The following ARHGEF1 variants were observed in gnomAD, a reference collection of about 807,000 sequenced individuals.
The protein encoded by ARHGEF1 is 115 kDa guanine nucleotide exchange factor.
A neutral mutation model predicts 119.7 loss-of-function variants in ARHGEF1; 40 were observed. The observed-to-expected ratio is 0.33, with a 90% CI of 0.26 to 0.44. ARHGEF1 has a LOEUF of 0.44. Ranked by LOEUF, ARHGEF1 falls within the 20% of genes least tolerant of loss-of-function variation. The pLI is 1.00. For missense variants in ARHGEF1, 976 were observed against 1,268.3 expected (o/e 0.77, Z 3.50); for synonymous variants, 494 against 521.0 (o/e 0.95, Z 0.71).
In ARHGEF1 at chr19:41,884,511, C is replaced by T; in HGVS notation, c.-20+1222C>T. 1.9e-6 allele frequency: 3 copies of T among 1,605,908 alleles called. No individual in the cohort carries two copies. In the South Asian group the frequency reaches 3.3e-5, roughly 18 times the overall value. On this transcript the variant is annotated intron_variant, in intron 1 of 28. Transcript: ENST00000354532. ...TGGAGCAGGTGAGGGACGCGGTCCCCAGCGGGTGTCAGACCCTGACTCTGC... is the reference window on the plus strand; with the variant it reads ...TGGAGCAGGTGAGGGACGCGGTCCCTAGCGGGTGTCAGACCCTGACTCTGC...
chr19:41,908,621 G>A, downstream of ARHGEF1: 1 of 1,231,742 alleles, frequency 8.1e-7, no homozygotes, highest in Non-Finnish European at 1.0e-6. This position sits in a 1 kb window ranked among gnomAD's most constrained non-coding sequence, Gnocchi z 6.7. Flanking sequence ...GGTACTCAGG[G>A]AAGGCGCGGC....
In ARHGEF1 at chr19:41,894,523, C is replaced by G. The variant is rs782137914; in HGVS notation, c.817C>G (p.Arg273Gly). The G allele has an allele frequency of 2.5e-6, 4 of 1,610,336 alleles. No individual in the cohort carries two copies. The African/African-American group carries it at 4.0e-5, about 16-fold the overall frequency. ...KGLSSILDAARWNRGEPQVPD... is the reference protein window; with the variant it reads ...KGLSSILDAAGWNRGEPQVPD... ...GCTGAGCAGCATCCTGGATGCCGCC[C>G]GCTGGAACCGGGGAGAGCCCCAGGG... Residue 273 changes from arginine (R) to glycine (G), a missense_variant, in exon 10 of 29, where the codon CGC (arginine) becomes GGC (glycine). Around this residue, in one of 3 missense-constraint regions of ARHGEF1, gnomAD observed 519 missense variants for 580.9 expected, o/e 0.89. Coordinates refer to ENST00000354532, the MANE Select transcript of ARHGEF1 (RefSeq NM_004706.4).
intron 1 of ARHGEF1, among the ~76,000 whole-genome samples, chr19:41,886,398 G>T (rs1268448610): frequency 1.3e-5 from 2 of 152,126 alleles, no homozygotes; most frequent in African/African-American, 4.8e-5. Context: ...CCCTGCCTCA[G>T]TTGAGCGTTT....
rs2074716809 is a variant in ARHGEF1 at position 41,907,218 on chromosome 19, AC to A, written c.*132del. The A allele has an allele frequency of 2.0e-6, 3 of 1,517,554 alleles. No individual in the cohort carries two copies. The highest frequency in any genetic ancestry group is 2.1e-5 in the Admixed American group (1 of 48,054). The allele number at this position is 1,517,554 out of a possible 1,614,324, so 94.0% of individuals were successfully genotyped here. A position where few individuals can be genotyped will look rare whatever the true frequency, so the allele number is the denominator to read the frequency against. Reference sequence around the variant, plus strand: ...GCCTGAGGAGAGGGAGCTGTGGGCCACGCCTGGGAGGGGCCCAGCTGGGGTT... The same window carrying A: ...GCCTGAGGAGAGGGAGCTGTGGGCCAGCCTGGGAGGGGCCCAGCTGGGGTT... On this transcript the variant is annotated 3_prime_UTR_variant, in exon 29 of 29. Transcript: ENST00000354532.
rs2074646906 is a variant in ARHGEF1 at position 41,903,922 on chromosome 19, C to A, written c.1918-113C>A. On this transcript the variant is annotated intron_variant, in intron 20 of 28. Transcript: ENST00000354532. The surrounding 1 kb of genome is among the most constrained non-coding windows in gnomAD (Gnocchi z 4.2). ...GCTCTGTCCCCCACCTCATGCCAATCCCATGATCCCCAGCCTGTGGTCATC... is the reference window on the plus strand; with the variant it reads ...GCTCTGTCCCCCACCTCATGCCAATACCATGATCCCCAGCCTGTGGTCATC... The A allele has an allele frequency of 1.5e-6, 2 of 1,351,800 alleles. No individual in the cohort carries two copies. Among genetic ancestry groups the A allele is most frequent in the African/African-American group, 1.4e-5 (1 of 69,416 alleles). The allele number at this position is 1,351,800 out of a possible 1,614,324, so 83.7% of individuals were successfully genotyped here. A position where few individuals can be genotyped will look rare whatever the true frequency, so the allele number is the denominator to read the frequency against.
rs552569257 is a variant in ARHGEF1 at position 41,906,632 on chromosome 19, C to T, written c.2655+12C>T. On this transcript the variant is annotated intron_variant, in intron 27 of 28. Coordinates refer to ENST00000354532, the MANE Select transcript of ARHGEF1 (RefSeq NM_004706.4). This position sits in a 1 kb window ranked among gnomAD's most constrained non-coding sequence, Gnocchi z 4.5. The stretch of plus-strand genomic sequence containing the variant: ...TGAAGCAGCTGGAGGTGGGGCGGGA[C>T]GGGCCAGGGGTGCCCTGAGTGGGCT... 2.6e-5 allele frequency: 41 copies of T among 1,600,856 alleles called. No homozygotes were observed. The highest frequency in any genetic ancestry group is 3.3e-4 in the Middle Eastern group (2 of 5,982).
In ARHGEF1 at chr19:41,906,439, C is replaced by T. The variant is rs781860371; in HGVS notation, c.2492-18C>T. 4 of 1,539,922 alleles carry T rather than the reference C, an allele frequency of 2.6e-6. No individual in the cohort carries two copies. The African/African-American group carries it at 5.6e-5, about 21-fold the overall frequency. Reference sequence around the variant, plus strand: ...GCCCCCTGGTCTCCTGACTCCACCCCTCCTTGCCCCTGGCCAGTGCTGTCC... The same window carrying T: ...GCCCCCTGGTCTCCTGACTCCACCCTTCCTTGCCCCTGGCCAGTGCTGTCC... On this transcript the variant is annotated intron_variant, in intron 26 of 28. Coordinates refer to ENST00000354532, the MANE Select transcript of ARHGEF1 (RefSeq NM_004706.4). The surrounding 1 kb of genome is among the most constrained non-coding windows in gnomAD (Gnocchi z 4.5).
intron 13 of ARHGEF1, chr19:41,897,016 A>C (rs781945779): frequency 1.3e-5 from 5 of 383,120 alleles, no homozygotes; most frequent in Admixed American, 3.0e-5. Context: ...CCCACCTTCC[A>C]TCCCCCTCCG....
At chr19:41,913,315 C>T (rs1168357884) in intron 18 of ARHGEF1, among the ~76,000 whole-genome samples, 2 of 151,262 alleles carry the variant, frequency 1.3e-5, no homozygotes, top group African/African-American at 4.9e-5. Flanking sequence ...CTGCCGTCTC[C>T]CGTCCCCGCT....
chr19:41,913,506 G>A (rs1036603589), intron 18 of ARHGEF1, among the ~76,000 whole-genome samples: 3 of 150,414 alleles, frequency 2.0e-5, no homozygotes, highest in African/African-American at 7.4e-5. Flanking sequence ...CGCCCAGGAC[G>A]GGCTGCAGGG....
chr19:41,910,057 G>A, downstream of ARHGEF1: 1 of 1,613,462 alleles, frequency 6.2e-7, no homozygotes, highest in Non-Finnish European at 8.5e-7. This position sits in a 1 kb window ranked among gnomAD's most constrained non-coding sequence, Gnocchi z 4.4. Flanking sequence ...TCGAGCCAGG[G>A]GATGACTCTG....
At chr19:41,907,662 T>TC, downstream of ARHGEF1, 1 of 419,314 alleles carries the variant, frequency 2.4e-6, no homozygotes, top group Non-Finnish European at 4.2e-6. Flanking sequence ...GCCCTCCAGC[T>TC]CCCACCCCCG....
rs940791641 is a variant in ARHGEF1, at chr19:41,906,287, C to T, written c.2492-170C>T. On this transcript the variant is annotated intron_variant, in intron 26 of 28. Transcript: ENST00000354532. This position sits in a 1 kb window ranked among gnomAD's most constrained non-coding sequence, Gnocchi z 4.5. Reference sequence around the variant, plus strand: ...CTTCCTGCCCTGTCCCAACCCTAAACCCAGCCTCACTTCTTCACCTCCCTT... The same window carrying T: ...CTTCCTGCCCTGTCCCAACCCTAAATCCAGCCTCACTTCTTCACCTCCCTT... 4 of 724,004 alleles carry T rather than the reference C, an allele frequency of 5.5e-6. No homozygotes were observed. In the East Asian group the frequency reaches 8.2e-5, roughly 15 times the overall value. The allele number at this position is 724,004 out of a possible 1,614,324, so 44.8% of individuals were successfully genotyped here. A position where few individuals can be genotyped will look rare whatever the true frequency, so the allele number is the denominator to read the frequency against.
chr19:41,912,954 C>CACGGGG (rs1358940550), intron 18 of ARHGEF1: 3 of 1,144,456 alleles, frequency 2.6e-6, no homozygotes, highest in Non-Finnish European at 3.3e-6. Context: ...GGGAGGGACA[C>CACGGGG]ACGGGGACGG....
rs2145850829 is a variant in ARHGEF1, at chr19:41,902,670, T to A, written c.1623+12T>A. On this transcript the variant is annotated intron_variant, in intron 17 of 28. Transcript: ENST00000354532. This position sits in a 1 kb window ranked among gnomAD's most constrained non-coding sequence, Gnocchi z 6.5. ...GTGCCTTCGTGCAGGTGAGGTGGGG[T>A]CTGGACTCCAGCTTCCCAGGGAGGA... The A allele has an allele frequency of 6.2e-7, 1 of 1,613,774 alleles. No homozygotes were observed. The highest frequency in any genetic ancestry group is 8.5e-7 in the Non-Finnish European group (1 of 1,179,876).
chr19:41,920,196 TCA>T (rs1397367776), upstream of ARHGEF1, among the ~76,000 whole-genome samples: 1 of 100,316 alleles, frequency 1.0e-5, no homozygotes, highest in Non-Finnish European at 1.9e-5. Flanking sequence ...AGACATGCGC[TCA>T]CAGACATGAC....
At chr19:41,900,377 A>G (rs2074581441) in intron 14 of ARHGEF1, among the ~76,000 whole-genome samples, 1 of 152,250 alleles carries the variant, frequency 6.6e-6, no homozygotes, top group African/African-American at 2.4e-5. Flanking sequence ...GCACTGACTT[A>G]AAATTTCATT....
intron 14 of ARHGEF1, among the ~76,000 whole-genome samples, chr19:41,899,264 C>T (rs1348504136): frequency 3.9e-5 from 6 of 152,050 alleles, no homozygotes; most frequent in Admixed American, 1.3e-4. Context: ...CTTGGGATTA[C>T]AAGTGTGAGC....
intron 13 of ARHGEF1, chr19:41,896,849 C>CTCTCTCACCTCCCCCA (rs2074504374): frequency 6.0e-6 from 2 of 334,748 alleles, no homozygotes; most frequent in African/African-American, 7.4e-5. Flanking sequence ...CACCTCCCCC[C>CTCTCTCACCTCCCCCA]TCCTCTCTCA....
Sources: gnomAD v4.1 joint callset for allele counts (sites outside exome capture counted in the v4.1 genomes callset) on GRCh38, gnomAD v4.1.1 for gene constraint, gnomAD v4.1.1 regional missense constraint, Gnocchi (gnomAD v3.1) non-coding constraint, MANE v1.5 for transcripts, NCBI Gene and HGNC (gene_info 2026-07-23, HGNC 2026-07-21) for gene names.